AUH: variants seen among roughly 807,000 people sequenced by gnomAD.
AUH encodes methylglutaconyl-CoA hydratase, mitochondrial.
In AUH, 29 loss-of-function variants were observed where a neutral mutation model predicts 42.3. The observed-to-expected ratio is 0.69, with a 90% CI of 0.51 to 0.93. AUH has a LOEUF of 0.93. AUH is among the 40% of genes least tolerant of loss of function. AUH has a pLI of 0.00. For missense variants in AUH, 452 were observed against 438.1 expected, an observed-to-expected ratio of 1.03 and a Z score of -0.28; for synonymous variants, 174 against 166.4, an observed-to-expected ratio of 1.05 and a Z score of -0.35.
At chr9:91,282,176 T>G (rs533804570) in intron 6 of AUH, among the ~76,000 whole-genome samples, 10 of 152,248 alleles carry the variant, frequency 6.6e-5, no homozygotes, top group African/African-American at 2.4e-4. Context: ...GCCTCTTTAC[T>G]AGTTGATACT....
At chr9:91,335,213 G>A (rs1219684556) in intron 3 of AUH, among the ~76,000 whole-genome samples, 4 of 152,196 alleles carry the variant, frequency 2.6e-5, no homozygotes, top group African/African-American at 4.8e-5. Flanking sequence ...GGTGCTTTCT[G>A]TGTGGAAAGA....
Position 91,354,037 on chromosome 9 carries a change from G to A in AUH, c.418+1846C>T, listed in dbSNP as rs571775930. ...CAAAAATTTAGCCAGGCGTGGTGGC[G>A]GGCATCTGTAATCCCAGCTACACGG... is the stretch of plus-strand genomic sequence containing the variant. On this transcript the variant is annotated intron_variant, in intron 3 of 9. Coordinates refer to ENST00000375731, the MANE Select transcript of AUH (RefSeq NM_001698.3). 1.1e-4 allele frequency among the ~76,000 whole-genome samples: 17 copies of A among 151,614 alleles called. No individual in the cohort carries two copies. In the East Asian group the frequency reaches 1.4e-3, roughly 12 times the overall value.
At chr9:91,318,205 AT>A (rs1288293669) in intron 4 of AUH, among the ~76,000 whole-genome samples, 1 of 151,974 alleles carries the variant, frequency 6.6e-6, no homozygotes, top group Non-Finnish European at 1.5e-5. Flanking sequence ...AATCTCTATC[AT>A]CAAAAAACTG....
At chr9:91,320,285 C>T (rs144769886) in intron 4 of AUH, among the ~76,000 whole-genome samples, 120 of 152,276 alleles carry the variant, frequency 7.9e-4, no homozygotes, top group African/African-American at 2.7e-3. Context: ...AAACTAAATA[C>T]GGCCTTAGAA....
At chr9:91,297,243 T>C (rs892570122) in intron 5 of AUH, among the ~76,000 whole-genome samples, 1 of 152,212 alleles carries the variant, frequency 6.6e-6, no homozygotes, top group Admixed American at 6.5e-5. Context: ...TGCCCCAAAG[T>C]ACCTGCTCTG....
intron 6 of AUH, among the ~76,000 whole-genome samples, chr9:91,286,506 CCCA>C (rs1457767780): frequency 2.0e-5 from 3 of 152,034 alleles, no homozygotes; most frequent in African/African-American, 7.2e-5. Context: ...TAAAAATATG[CCCA>C]CATTTGTCAC....
chr9:91,352,837 T>C (rs993442326), intron 3 of AUH, among the ~76,000 whole-genome samples: 4 of 152,156 alleles, frequency 2.6e-5, no homozygotes, highest in African/African-American at 9.7e-5. Context: ...GTCCCTGTTG[T>C]TTGCTGTGTT....
At chr9:91,326,181 A>G (rs1478444466) in intron 3 of AUH, among the ~76,000 whole-genome samples, 1 of 152,200 alleles carries the variant, frequency 6.6e-6, no homozygotes, top group Non-Finnish European at 1.5e-5. Flanking sequence ...TATAGAAGGC[A>G]TACACTCAGC....
intron 4 of AUH, among the ~76,000 whole-genome samples, chr9:91,323,146 G>A (rs1829713576): frequency 6.6e-6 from 1 of 152,086 alleles, no homozygotes; most frequent in East Asian, 1.9e-4. Flanking sequence ...TACTCTATGA[G>A]GGCCTGAACC....
chr9:91,225,355 C>T (rs917527382), intron 6 of AUH, among the ~76,000 whole-genome samples: 5 of 152,180 alleles, frequency 3.3e-5, no homozygotes, highest in African/African-American at 1.2e-4. Flanking sequence ...TACTTCAGTT[C>T]ACCTTTTCTT....
intron 6 of AUH, among the ~76,000 whole-genome samples, chr9:91,277,257 A>C (rs1421670887): frequency 6.6e-6 from 1 of 152,244 alleles, no homozygotes; most frequent in Non-Finnish European, 1.5e-5. Flanking sequence ...GCATATACAG[A>C]ATCCAGAATT....
intron 6 of AUH, among the ~76,000 whole-genome samples, chr9:91,280,977 T>C (rs756938515): frequency 7.2e-5 from 11 of 152,154 alleles, no homozygotes; most frequent in East Asian, 1.9e-4. Context: ...TTTTAGGGAG[T>C]TTATTTATGA....
At chr9:91,266,073 A>G (rs1210692825) in intron 6 of AUH, among the ~76,000 whole-genome samples, 1 of 152,160 alleles carries the variant, frequency 6.6e-6, no homozygotes, top group Non-Finnish European at 1.5e-5. Context: ...CTTATAAAGG[A>G]AAGTTACGGC....
chr9:91,261,405 C>A (rs1829700954), intron 6 of AUH, among the ~76,000 whole-genome samples: 1 of 152,202 alleles, frequency 6.6e-6, no homozygotes, highest in Non-Finnish European at 1.5e-5. Flanking sequence ...GGGTGTCCTA[C>A]AAAGCCTCTT....
At chr9:91,218,939 ATCT>A (rs750871870) in intron 7 of AUH, 104 of 985,134 alleles carry the variant, frequency 1.1e-4, no homozygotes, top group Non-Finnish European at 1.2e-4. Context: ...ATACATCAAC[ATCT>A]TCTTATTTGT....
Position 91,296,030 on chromosome 9 carries a change from G to C in AUH, c.646C>G (p.Pro216Ala). ...CGTGAACTACTCATACCTCCACCAG[G>C]AATAATCGCCAATTTTGTTTCAACC... Reference protein sequence around the residue: ...GLVETKLAIIPGGGGTQRLPR... With the variant: ...GLVETKLAIIAGGGGTQRLPR... Residue 216 changes from proline (P) to alanine (A), a missense_variant, in exon 6 of 10, where the codon CCT (proline) becomes GCT (alanine). Physicochemically the swap from Pro to Ala is conservative, Grantham distance 27. Coordinates refer to ENST00000375731, the MANE Select transcript of AUH (RefSeq NM_001698.3). 6.2e-7 allele frequency: 1 copy of C among 1,613,962 alleles called. No homozygotes were observed. The highest frequency in any genetic ancestry group is 8.5e-7 in the Non-Finnish European group (1 of 1,179,992).
intron 6 of AUH, among the ~76,000 whole-genome samples, chr9:91,247,368 C>G (rs1177247079): frequency 1.3e-5 from 2 of 152,106 alleles, no homozygotes; most frequent in African/African-American, 4.8e-5. Context: ...CAGTCACACT[C>G]TTATGCAGAT....
At chr9:91,331,609 C>T (rs137931148) in intron 3 of AUH, among the ~76,000 whole-genome samples, 207 of 152,168 alleles carry the variant, frequency 1.4e-3, no homozygotes, top group East Asian at 9.6e-3. Flanking sequence ...AAGTAGACAA[C>T]GCATGGAATT....
At chr9:91,316,613 T>C (rs1829177456) in intron 4 of AUH, among the ~76,000 whole-genome samples, 1 of 152,234 alleles carries the variant, frequency 6.6e-6, no homozygotes, top group Non-Finnish European at 1.5e-5. Flanking sequence ...GTGGTCTTAA[T>C]TGCAGGTCTA....
Sources: gnomAD v4.1 joint callset for allele counts (sites outside exome capture counted in the v4.1 genomes callset) on GRCh38, gnomAD v4.1.1 for gene constraint, MANE v1.5 for transcripts, NCBI Gene and HGNC (gene_info 2026-07-23, HGNC 2026-07-21) for gene names.